Variants in FNIP1 observed in about 807,000 individuals in gnomAD.
FNIP1 encodes the protein folliculin-interacting protein 1.
In FNIP1, 40 loss-of-function variants were observed where a neutral mutation model predicts 124.5. That is an observed-to-expected ratio of 0.32 (90% CI 0.25 to 0.42). The LOEUF is 0.42. FNIP1 is among the 10% of genes least tolerant of loss of function. The pLI is 1.00. For synonymous variants in FNIP1, 472 were observed against 470.6 expected, an observed-to-expected ratio of 1.00 and a Z score of -0.04; for missense variants, 1,176 against 1,403.7, an observed-to-expected ratio of 0.84 and a Z score of 2.59.
chr5:131,705,206 C>T lies in FNIP1; in HGVS notation c.915-940G>A, dbSNP rs1426770309. ...GATGATCAAGTCAGATGTGGTGCCT[C>T]ATGCCTGTAATCCTAGCACTTTGGG... On this transcript the variant is annotated intron_variant, in intron 9 of 17. Coordinates refer to ENST00000510461, the MANE Select transcript of FNIP1 (RefSeq NM_133372.3). Among the ~76,000 whole-genome samples, 4 of 152,000 alleles carry T rather than the reference C, an allele frequency of 2.6e-5. No individual in the cohort carries two copies. In the East Asian group the frequency reaches 5.8e-4, roughly 22 times the overall value.
At chr5:131,758,493 G>C (rs1294991905) in intron 1 of FNIP1, among the ~76,000 whole-genome samples, 1 of 152,138 alleles carries the variant, frequency 6.6e-6, no homozygotes, top group African/African-American at 2.4e-5. Flanking sequence ...ACAGTGTTAA[G>C]TATACCACCA....
chr5:131,734,471 A>C (rs1287509262), intron 2 of FNIP1, among the ~76,000 whole-genome samples: 1 of 152,184 alleles, frequency 6.6e-6, no homozygotes, highest in African/African-American at 2.4e-5. Flanking sequence ...GGATCTAATT[A>C]AACTAAAGAG....
chr5:131,711,263 T>A (rs943971476), intron 6 of FNIP1, among the ~76,000 whole-genome samples: 7 of 152,270 alleles, frequency 4.6e-5, no homozygotes, highest in South Asian at 4.1e-4. Context: ...GGAACACAAA[T>A]GAAGCTCATC....
rs1361313284 is a variant in FNIP1, at chr5:131,706,391, T to C, written c.914+20A>G. The C allele has an allele frequency of 2.5e-6, 4 of 1,600,518 alleles. No homozygotes were observed. Among genetic ancestry groups the C allele is most frequent in the Non-Finnish European group, 2.6e-6 (3 of 1,173,384 alleles). ...TAAGGAACTACTCAATCTTGTTCTG[T>C]GTTTAAAGTTCCAACTTACCATCTA... On this transcript the variant is annotated intron_variant, in intron 9 of 17. Transcript: ENST00000510461.
intron 1 of FNIP1, among the ~76,000 whole-genome samples, chr5:131,747,815 T>C (rs2149562970): frequency 6.6e-6 from 1 of 152,226 alleles, no homozygotes; most frequent in South Asian, 2.1e-4. Flanking sequence ...TATTCTGCTA[T>C]TTAAAAAATG....
At chr5:131,794,502 T>A (rs1341170649) in intron 1 of FNIP1, among the ~76,000 whole-genome samples, 2 of 152,106 alleles carry the variant, frequency 1.3e-5, no homozygotes, top group African/African-American at 4.8e-5. Context: ...TATGTCCACA[T>A]AAAGATTTAT....
intron 15 of FNIP1, among the ~76,000 whole-genome samples, chr5:131,657,815 C>A (rs905347533): frequency 2.1e-5 from 3 of 145,902 alleles, no homozygotes; most frequent in East Asian, 2.0e-4. Context: ...CCGAGGCAGG[C>A]GGATCACAAG....
intron 1 of FNIP1, among the ~76,000 whole-genome samples, chr5:131,779,108 G>A (rs529621094): frequency 1.4e-5 from 2 of 141,958 alleles, no homozygotes; most frequent in East Asian, 2.1e-4. Flanking sequence ...TAACTAACCT[G>A]CACAATGTGC....
chr5:131,659,460 T>C (rs1306278444), intron 15 of FNIP1, among the ~76,000 whole-genome samples: 5 of 152,178 alleles, frequency 3.3e-5, no homozygotes, highest in African/African-American at 1.2e-4. Flanking sequence ...AAGTCCAGGG[T>C]GACATAGTAT....
At chr5:131,681,777 A>T (rs925233815) in intron 11 of FNIP1, among the ~76,000 whole-genome samples, 2 of 151,532 alleles carry the variant, frequency 1.3e-5, no homozygotes, top group African/African-American at 4.8e-5. Flanking sequence ...AAAAAAAAAA[A>T]ACGGATTCCA....
chr5:131,713,053 T>C (rs1219606210), intron 6 of FNIP1, among the ~76,000 whole-genome samples: 2 of 152,178 alleles, frequency 1.3e-5, no homozygotes, highest in Admixed American at 6.5e-5. Context: ...TGTGCCTCTC[T>C]TCTCCTACCC....
intron 1 of FNIP1, among the ~76,000 whole-genome samples, chr5:131,782,472 C>G (rs7725924): frequency 0.78 from 118,745 of 152,138 alleles, 46,550 homozygotes; most frequent in Middle Eastern, 0.83. Context: ...AGGAGGCTGA[C>G]GTGGGAGGCT....
chr5:131,736,804 C>T lies in FNIP1; in HGVS notation c.220-5766G>A, dbSNP rs148499458. Among the ~76,000 whole-genome samples the T allele has an allele frequency of 7.9e-5, 12 of 152,222 alleles. No individual in the cohort carries two copies. In the East Asian group the frequency reaches 2.3e-3, roughly 29 times the overall value. ...TTTGGCTATAATATATCAATGATTT[C>T]CTGAATTTTTGCTGTATTGTGGTTA... On this transcript the variant is annotated intron_variant, in intron 2 of 17. Transcript: ENST00000510461.
rs26007 is a variant in FNIP1 at position 131,670,663 on chromosome 5, T to A, written c.2940-32A>T. On this transcript the variant is annotated intron_variant, in intron 14 of 17. Coordinates refer to ENST00000510461, the MANE Select transcript of FNIP1 (RefSeq NM_133372.3). ...GAAAAATGCCCCCAAAAGACATTTA[T>A]TTAGTAATAAATATATTTAACCAGT... 0.79 allele frequency: 1,196,965 copies of A among 1,521,222 alleles called. 474,109 individuals carry two copies. The highest frequency in any genetic ancestry group is 0.82 in the Middle Eastern group (4,689 of 5,690). The allele number at this position is 1,521,222 out of a possible 1,614,324, so 94.2% of individuals were successfully genotyped here.
chr5:131,720,226 G>C (rs1769612293), intron 3 of FNIP1, among the ~76,000 whole-genome samples: 1 of 152,092 alleles, frequency 6.6e-6, no homozygotes, highest in African/African-American at 2.4e-5. Flanking sequence ...CTTCAAGAAG[G>C]GTGCTAAGAA....
In FNIP1 at chr5:131,698,924, CATTTAGGGCATCAACTATTCG is replaced by C. The variant is rs755376122; in HGVS notation, c.1174_1194del (p.Arg392_Asn398del). 1 of 1,608,128 alleles carries C rather than the reference CATTTAGGGCATCAACTATTCG, an allele frequency of 6.2e-7. No individual in the cohort carries two copies. Among genetic ancestry groups the C allele is most frequent in the Non-Finnish European group, 8.5e-7 (1 of 1,177,956 alleles). On this transcript the variant is annotated inframe_deletion, in exon 11 of 18. Coordinates refer to ENST00000510461, the MANE Select transcript of FNIP1 (RefSeq NM_133372.3). The stretch of plus-strand genomic sequence containing the variant: ...AAGCTGGGCAATATGTACCTGAATT[CATTTAGGGCATCAACTATTCG>C]ATTATATGCCAAACTTCTCTGACTG...
At chr5:131,663,032 C>T (rs908924784) in intron 15 of FNIP1, among the ~76,000 whole-genome samples, 2 of 152,066 alleles carry the variant, frequency 1.3e-5, no homozygotes, top group Non-Finnish European at 2.9e-5. Context: ...TGTGAGCCAC[C>T]GCGGCTGGCC....
At chr5:131,744,435 T>C (rs1485373494) in intron 2 of FNIP1, 129 bp downstream of exon 2, 1 of 890,128 alleles carries the variant, frequency 1.1e-6, no homozygotes, top group African/African-American at 1.7e-5. Flanking sequence ...TCACCAAACA[T>C]TTCCTTCTCC....
chr5:131,750,769 C>T (rs958563989), intron 1 of FNIP1, among the ~76,000 whole-genome samples: 10 of 152,048 alleles, frequency 6.6e-5, no homozygotes, highest in South Asian at 4.2e-4. Flanking sequence ...TGTGCCACCA[C>T]GCCCAGCTAG....
Sources: allele counts gnomAD v4.1 joint callset (sites outside exome capture counted in the v4.1 genomes callset), GRCh38; gene constraint gnomAD v4.1.1; transcripts MANE v1.5; gene names NCBI Gene and HGNC (gene_info 2026-07-23, HGNC 2026-07-21).